DGKB: variants seen among roughly 807,000 people sequenced by gnomAD.
DGKB encodes the protein 90 kDa diacylglycerol kinase.
In DGKB, 67 loss-of-function variants were observed where a neutral mutation model predicts 114.3. That is an observed-to-expected ratio of 0.59 (90% CI 0.48 to 0.72). DGKB has a LOEUF of 0.72. Ranked by LOEUF, DGKB falls within the 30% of genes least tolerant of loss-of-function variation. The pLI is 0.00. For missense variants in DGKB, 907 were observed against 975.2 expected, an observed-to-expected ratio of 0.93 and a Z score of 0.93; for synonymous variants, 398 against 323.1, an observed-to-expected ratio of 1.23 and a Z score of -2.49.
At position 14,444,137 on chromosome 7, in the gene DGKB, T is replaced by A. The variant is rs143973643; in HGVS notation, c.1835+34024A>T. On this transcript the variant is annotated intron_variant, in intron 21 of 25. Transcript: ENST00000402815. ...AATAAATTGGTTTTGTAAACAATAGTGAGACCTTGTCAAAAATATTGGTAT... is the reference window on the plus strand; with the variant it reads ...AATAAATTGGTTTTGTAAACAATAGAGAGACCTTGTCAAAAATATTGGTAT... Among the ~76,000 whole-genome samples, 263 of 151,994 alleles carry A rather than the reference T, an allele frequency of 1.7e-3. 1 individual carries two copies. The highest frequency in any genetic ancestry group is 6.1e-3 in the African/African-American group (254 of 41,550).
chr7:14,332,153 T>C (rs931740390), intron 23 of DGKB, among the ~76,000 whole-genome samples: 5 of 152,146 alleles, frequency 3.3e-5, no homozygotes, highest in African/African-American at 1.2e-4. Flanking sequence ...TAGCATTAAC[T>C]AGGCATTTGC....
chr7:14,596,611 T>G (rs2128754019), intron 17 of DGKB, among the ~76,000 whole-genome samples: 1 of 152,320 alleles, frequency 6.6e-6, no homozygotes, highest in East Asian at 1.9e-4. Context: ...GACCTCATCC[T>G]CTTTTAGTCA....
At chr7:14,937,716 TC>T (rs1031771759) in intron 1 of DGKB, among the ~76,000 whole-genome samples, 2 of 152,130 alleles carry the variant, frequency 1.3e-5, no homozygotes, top group Non-Finnish European at 1.5e-5. Context: ...GCAGGTCCAC[TC>T]ATATGCAATT....
chr7:14,573,252 C>T (rs989030592), intron 20 of DGKB, among the ~76,000 whole-genome samples: 2 of 152,004 alleles, frequency 1.3e-5, no homozygotes, highest in African/African-American at 4.8e-5. Context: ...GTATATTTAG[C>T]CTTCATCATG....
rs74888664 is a variant in DGKB at position 14,226,456 on chromosome 7, A to T, written c.2123-48305T>A. Among the ~76,000 whole-genome samples, 3,270 of 152,114 alleles carry T rather than the reference A, an allele frequency of 0.021. 238 individuals are homozygous for T. The East Asian group carries it at 0.24, about 11-fold the overall frequency. ...AAATGTGAAAATTAAACTGGTAAAG[A>T]GAAAAGACAGTTTCTAGTAATATAT... On this transcript the variant is annotated intron_variant, in intron 23 of 25. Coordinates refer to ENST00000402815, the MANE Select transcript of DGKB (RefSeq NM_001350709.2).
intron 1 of DGKB, among the ~76,000 whole-genome samples, chr7:14,908,907 A>G (rs1323181074): frequency 2.6e-5 from 4 of 152,198 alleles, no homozygotes; most frequent in Non-Finnish European, 4.4e-5. Context: ...ACTCATTATC[A>G]TTATCTTCAC....
At position 14,176,995 on chromosome 7, in the gene DGKB, A is replaced by C. The variant is rs553503974; in HGVS notation, c.2244-96T>G. On this transcript the variant is annotated intron_variant, in intron 24 of 25. Coordinates refer to ENST00000402815, the MANE Select transcript of DGKB (RefSeq NM_001350709.2). ...AGATGATGAGACCAGGGAAGGCAAT[A>C]TGGTAATAGTTGGGCTCTAAATTTA... The C allele has an allele frequency of 5.6e-6, 8 of 1,420,388 alleles. No homozygotes were observed. The African/African-American group carries it at 9.9e-5, about 18-fold the overall frequency. 88.0% of individuals were successfully genotyped at this position (1,420,388 alleles called of 1,614,324 possible). A position where few individuals can be genotyped will look rare whatever the true frequency, so the allele number is the denominator to read the frequency against.
At chr7:14,190,267 T>TA (rs1784104812) in intron 23 of DGKB, among the ~76,000 whole-genome samples, 1 of 152,128 alleles carries the variant, frequency 6.6e-6, no homozygotes, top group Non-Finnish European at 1.5e-5. Context: ...TAGATGGAAG[T>TA]TAAACAACAT....
chr7:14,768,022 C>T (rs1836728329), intron 2 of DGKB, among the ~76,000 whole-genome samples: 1 of 151,962 alleles, frequency 6.6e-6, no homozygotes, highest in Non-Finnish European at 1.5e-5. Flanking sequence ...GCTCTCTGTA[C>T]ACTTACCAAC....
chr7:14,763,912 A>G (rs976218273), intron 2 of DGKB, among the ~76,000 whole-genome samples: 9 of 151,984 alleles, frequency 5.9e-5, no homozygotes, highest in African/African-American at 2.2e-4. Context: ...CAGTAGAGAT[A>G]TTGGTTTTCC....
chr7:14,167,148 T>C lies in DGKB; in HGVS notation c.2304+9691A>G, dbSNP rs189335840. Among the ~76,000 whole-genome samples, 1,079 of 143,256 alleles carry C rather than the reference T, an allele frequency of 7.5e-3. 9 individuals carry two copies. The highest frequency in any genetic ancestry group is 0.013 in the Non-Finnish European group (856 of 67,016). The allele number at this position is 143,256 out of a possible 152,430, so 94.0% of individuals were successfully genotyped here. On this transcript the variant is annotated intron_variant, in intron 25 of 25. Transcript: ENST00000402815. The stretch of plus-strand genomic sequence containing the variant: ...ATTGCTTGAACCCGGGAGGCGGAGG[T>C]TGCAGTGAGCCAACTTCATGCCACT...
intron 25 of DGKB, among the ~76,000 whole-genome samples, chr7:14,170,185 GAAAGAAAGAAAGAAAGAAAT>G (rs1780762821): frequency 1.4e-5 from 2 of 139,230 alleles, no homozygotes; most frequent in African/African-American, 3.0e-5. Context: ...AAGAAAGAAA[GAAAGAAAGAAAGAAAGAAAT>G]ACATTAAGCC....
Position 14,712,031 on chromosome 7 carries a change from G to A in DGKB, c.466+6511C>T, listed in dbSNP as rs566553537. 3.3e-5 allele frequency among the ~76,000 whole-genome samples: 5 copies of A among 152,164 alleles called. No homozygotes were observed. In the East Asian group the frequency reaches 7.7e-4, roughly 24 times the overall value. Reference sequence around the variant, plus strand: ...GAAGAAAACAACAAAGCAGGGAGGAGGGGAAACCTTATAACTAAAAGGAAA... The same window carrying A: ...GAAGAAAACAACAAAGCAGGGAGGAAGGGAAACCTTATAACTAAAAGGAAA... On this transcript the variant is annotated intron_variant, in intron 6 of 25. Coordinates refer to ENST00000402815, the MANE Select transcript of DGKB (RefSeq NM_001350709.2).
intron 21 of DGKB, among the ~76,000 whole-genome samples, chr7:14,372,674 ATTATAT>A (rs1817850734): frequency 6.6e-6 from 1 of 151,958 alleles, no homozygotes. Context: ...CTAAATATAA[ATTATAT>A]TTATATTTAT....
At chr7:14,473,774 G>T (rs1365943426) in intron 21 of DGKB, among the ~76,000 whole-genome samples, 1 of 152,224 alleles carries the variant, frequency 6.6e-6, no homozygotes, top group Admixed American at 6.5e-5. Flanking sequence ...GTCAAAAGGA[G>T]ATCATTTTGG....
At chr7:14,272,080 A>T (rs535374869) in intron 23 of DGKB, among the ~76,000 whole-genome samples, 1 of 152,328 alleles carries the variant, frequency 6.6e-6, no homozygotes, top group African/African-American at 2.4e-5. Context: ...CCATATATGC[A>T]TATACAACTT....
chr7:14,942,013 AATTT>A (rs1785594585), intron 1 of DGKB, among the ~76,000 whole-genome samples: 1 of 152,046 alleles, frequency 6.6e-6, no homozygotes, highest in African/African-American at 2.4e-5. Flanking sequence ...AAGTCTTGTC[AATTT>A]AAGTAAATTA....
At chr7:14,566,632 T>C (rs1013312139) in intron 20 of DGKB, among the ~76,000 whole-genome samples, 1 of 152,116 alleles carries the variant, frequency 6.6e-6, no homozygotes, top group Non-Finnish European at 1.5e-5. Context: ...AAAAGGCAAA[T>C]ATCACACCAT....
intron 1 of DGKB, among the ~76,000 whole-genome samples, chr7:14,936,667 G>C (rs1231834143): frequency 1.3e-5 from 2 of 152,054 alleles, no homozygotes; most frequent in Non-Finnish European, 2.9e-5. Context: ...CTGTTTGCGG[G>C]CTCGGCATCC....
Sources: allele counts gnomAD v4.1 joint callset (sites outside exome capture counted in the v4.1 genomes callset), GRCh38; gene constraint gnomAD v4.1.1; transcripts MANE v1.5; gene names NCBI Gene and HGNC (gene_info 2026-07-23, HGNC 2026-07-21).